The following CSMD1 variants were observed in gnomAD, a reference collection of about 807,000 sequenced individuals.
The protein encoded by CSMD1 is CUB and sushi domain-containing protein 1.
A neutral mutation model predicts 417.5 loss-of-function variants in CSMD1; 213 were observed. The ratio of observed to expected loss-of-function variants is 0.51; its 90% CI spans 0.46 to 0.57. The LOEUF (loss-of-function observed/expected upper bound fraction) is 0.57. Ranked by LOEUF, CSMD1 falls within the 20% of genes least tolerant of loss-of-function variation. CSMD1 has a pLI of 0.00. For missense variants in CSMD1, 6,923 were observed against 4,529.7 expected, an observed-to-expected ratio of 1.53 and a Z score of -15.17; for synonymous variants, 2,862 against 1,736.8, an observed-to-expected ratio of 1.65 and a Z score of -16.11.
chr8:4,206,242 G>A (rs1799969972), intron 3 of CSMD1, among the ~76,000 whole-genome samples: 1 of 151,998 alleles, frequency 6.6e-6, no homozygotes, highest in African/African-American at 2.4e-5. Flanking sequence ...ATGTGCACAA[G>A]GGGCAGGTTT....
At chr8:3,773,125 C>T (rs1325082316) in intron 5 of CSMD1, among the ~76,000 whole-genome samples, 1 of 152,178 alleles carries the variant, frequency 6.6e-6, no homozygotes, top group Admixed American at 6.5e-5. Flanking sequence ...AACCTCATCT[C>T]TTCGCCAAGT....
chr8:3,642,963 G>A (rs1392987918), intron 7 of CSMD1, among the ~76,000 whole-genome samples: 2 of 151,584 alleles, frequency 1.3e-5, no homozygotes, highest in Non-Finnish European at 2.9e-5. Context: ...ATACAAATTA[G>A]GAAATTCAGG....
At chr8:3,705,800 T>C (rs962478098) in intron 7 of CSMD1, among the ~76,000 whole-genome samples, 1 of 152,130 alleles carries the variant, frequency 6.6e-6, no homozygotes, top group Non-Finnish European at 1.5e-5. Flanking sequence ...GGAACCCAGA[T>C]CTTGGGGTGA....
At chr8:3,551,562 G>C (rs1798911468) in intron 10 of CSMD1, among the ~76,000 whole-genome samples, 1 of 134,290 alleles carries the variant, frequency 7.4e-6, no homozygotes, top group South Asian at 2.4e-4. Context: ...TTTCAGAATT[G>C]TCTTCTAATA....
chr8:4,919,811 C>T (rs545124896), intron 1 of CSMD1, among the ~76,000 whole-genome samples: 6 of 152,212 alleles, frequency 3.9e-5, no homozygotes, highest in African/African-American at 9.6e-5. Flanking sequence ...TATAAAAGGG[C>T]ATGACCCAGA....
In CSMD1 at chr8:4,769,068, A is replaced by C. The variant is rs576895543; in HGVS notation, c.86-131510T>G. Among the ~76,000 whole-genome samples the C allele has an allele frequency of 1.2e-4, 19 of 152,320 alleles. 1 individual carries two copies. The highest frequency in any genetic ancestry group is 4.6e-4 in the African/African-American group (19 of 41,576). On this transcript the variant is annotated intron_variant, in intron 1 of 69. Transcript: ENST00000635120. Reference sequence around the variant, plus strand: ...AATATCATTTAGAATGTGTGAGGCAAACAGTTAACAGCTTGGGGCTTGCAG... The same window carrying C: ...AATATCATTTAGAATGTGTGAGGCACACAGTTAACAGCTTGGGGCTTGCAG...
chr8:3,670,099 G>A (rs1383238995), intron 7 of CSMD1, among the ~76,000 whole-genome samples: 3 of 152,108 alleles, frequency 2.0e-5, no homozygotes, highest in South Asian at 2.1e-4. Flanking sequence ...ATTAAAGGAT[G>A]CAAAGTGTTG....
intron 1 of CSMD1, among the ~76,000 whole-genome samples, chr8:4,912,122 C>CAAAAAAAAAA (rs36194482): frequency 4.7e-5 from 4 of 84,550 alleles, no homozygotes; most frequent in African/African-American, 1.2e-4. Flanking sequence ...AACATAGCTT[C>CAAAAAAAAAA]AAAAAAAAAA....
chr8:4,619,488 G>C (rs1013860626), intron 2 of CSMD1, among the ~76,000 whole-genome samples: 3 of 152,068 alleles, frequency 2.0e-5, no homozygotes, highest in Non-Finnish European at 4.4e-5. Flanking sequence ...AAGCCCATTG[G>C]ACTAGGTAAC....
chr8:3,587,943 A>G (rs920065351), intron 8 of CSMD1, among the ~76,000 whole-genome samples: 1 of 152,138 alleles, frequency 6.6e-6, no homozygotes, highest in East Asian at 1.9e-4. Context: ...GAAAAATACA[A>G]AAAAACAAAA....
intron 53 of CSMD1, among the ~76,000 whole-genome samples, chr8:2,999,041 G>A (rs898279936): frequency 1.3e-5 from 2 of 152,030 alleles, no homozygotes; most frequent in African/African-American, 4.8e-5. Flanking sequence ...GGGCAATAAA[G>A]TGAGAGTACA....
At chr8:3,541,204 A>G (rs1330068417) in intron 10 of CSMD1, among the ~76,000 whole-genome samples, 1 of 152,232 alleles carries the variant, frequency 6.6e-6, no homozygotes, top group Non-Finnish European at 1.5e-5. Flanking sequence ...CAGCCATAAG[A>G]AGGAATGAGA....
At chr8:3,551,119 T>G (rs986949903) in intron 10 of CSMD1, among the ~76,000 whole-genome samples, 1 of 152,308 alleles carries the variant, frequency 6.6e-6, no homozygotes, top group Middle Eastern at 3.4e-3. Flanking sequence ...TTGACCTCTT[T>G]GTGATTCAGT....
At chr8:4,742,189 C>G (rs1353706929) in intron 1 of CSMD1, among the ~76,000 whole-genome samples, 2 of 151,098 alleles carry the variant, frequency 1.3e-5, no homozygotes, top group African/African-American at 2.4e-5. Flanking sequence ...CGCCACCACG[C>G]CCGGCTAATT....
chr8:4,169,212 T>C (rs956070401), intron 3 of CSMD1, among the ~76,000 whole-genome samples: 5 of 152,132 alleles, frequency 3.3e-5, no homozygotes, highest in Non-Finnish European at 7.3e-5. Flanking sequence ...CCAACACATG[T>C]CTGAGCAAAG....
chr8:4,417,650 A>G (rs114119261), intron 3 of CSMD1, among the ~76,000 whole-genome samples: 4,332 of 152,122 alleles, frequency 0.028, 200 homozygotes, highest in African/African-American at 0.098. Context: ...GGTGGGTCAA[A>G]TAACAGGATC....
Position 3,181,186 on chromosome 8 carries a change from A to G in CSMD1, c.5649T>C (p.Ser1883=), listed in dbSNP as rs748371175. 1.9e-6 allele frequency: 3 copies of G among 1,613,862 alleles called. No individual in the cohort carries two copies. The highest frequency in any genetic ancestry group is 1.7e-6 in the Non-Finnish European group (2 of 1,179,804). Reference sequence around the variant, plus strand: ...AATGCAGGTAGAGTTGGTTGGAAGTACTGTTCAGCAGTGCCGGTACTGTGG... The same window carrying G: ...AATGCAGGTAGAGTTGGTTGGAAGTGCTGTTCAGCAGTGCCGGTACTGTGG... ...SGTTVPALLN[S]TSNQLYLHFQ... The change falls in exon 37 of 70, where the codon AGT becomes AGC. Residue 1883 remains serine (S), a synonymous_variant. Transcript: ENST00000635120.
At chr8:3,367,546 C>G (rs1000732143) in intron 19 of CSMD1, among the ~76,000 whole-genome samples, 11 of 151,714 alleles carry the variant, frequency 7.3e-5, no homozygotes, top group African/African-American at 2.7e-4. Flanking sequence ...AAGCCTTAAT[C>G]AAAATATTAA....
chr8:4,525,675 C>T (rs778435286), intron 2 of CSMD1, among the ~76,000 whole-genome samples: 3 of 152,096 alleles, frequency 2.0e-5, no homozygotes, highest in African/African-American at 7.2e-5. Context: ...TACTTTTGCA[C>T]CAACCTAAAA....
Sources: allele counts gnomAD v4.1 joint callset (sites outside exome capture counted in the v4.1 genomes callset), GRCh38; gene constraint gnomAD v4.1.1; transcripts MANE v1.5; gene names NCBI Gene and HGNC (gene_info 2026-07-23, HGNC 2026-07-21).